The following DUSP22 variants were observed in gnomAD, a reference collection of about 807,000 sequenced individuals.
DUSP22 encodes dual specificity phosphatase 22, also known as dual specificity protein phosphatase 22.
DUSP22 carries 24 observed loss-of-function variants against 24.5 expected under a neutral mutation model. That is an observed-to-expected ratio of 0.98 (90% CI 0.71 to 1.38). The LOEUF is 1.38. Among genes scored for constraint, DUSP22 ranks in the 40% most tolerant of loss-of-function variants. The pLI is 0.00. For synonymous variants in DUSP22, 160 were observed against 106.4 expected (o/e 1.50, Z -3.10); for missense variants, 330 against 269.2 (o/e 1.23, Z -1.58).
intron 3 of DUSP22, among the ~76,000 whole-genome samples, chr6:332,755 G>A (rs866797418): frequency 3.3e-5 from 5 of 151,954 alleles, no homozygotes; most frequent in South Asian, 2.1e-4. Flanking sequence ...TTTCCATCTC[G>A]TCTTAAGCTT....
intron 2 of DUSP22, among the ~76,000 whole-genome samples, chr6:310,727 G>C (rs1239950858): frequency 1.3e-5 from 2 of 152,296 alleles, no homozygotes; most frequent in African/African-American, 4.8e-5. Context: ...AGAGGCCATT[G>C]AATTAAAAAA....
At chr6:342,261 G>T (rs918573507) in intron 4 of DUSP22, among the ~76,000 whole-genome samples, 3 of 152,302 alleles carry the variant, frequency 2.0e-5, no homozygotes, top group Admixed American at 2.0e-4. Flanking sequence ...TGCTTTTTTG[G>T]CTGCTCTGCG....
At position 333,773 on chromosome 6, in the gene DUSP22, G is replaced by A. The variant is rs118006817; in HGVS notation, c.139-1341G>A. ...CGCAAAGAGCATGTGCTCTGCCCCC[G>A]CCCTGCGCCCACGAAGCCCACGTGT... On this transcript the variant is annotated intron_variant, in intron 3 of 6. Transcript: ENST00000419235. Among the ~76,000 whole-genome samples, 126 of 152,330 alleles carry A rather than the reference G, an allele frequency of 8.3e-4. No individual in the cohort carries two copies. In the East Asian group the frequency reaches 0.017, roughly 20 times the overall value.
chr6:326,845 A>G (rs1484235164), intron 3 of DUSP22, among the ~76,000 whole-genome samples: 2 of 152,300 alleles, frequency 1.3e-5, no homozygotes, highest in African/African-American at 4.8e-5. Flanking sequence ...CTGCAATTCT[A>G]AGAAGGTGGT....
chr6:320,832 T>A (rs1758553125), intron 3 of DUSP22, among the ~76,000 whole-genome samples: 1 of 152,304 alleles, frequency 6.6e-6, no homozygotes, highest in African/African-American at 2.4e-5. Context: ...AGGGTGGTGC[T>A]GTCTTCAGTT....
chr6:306,746 A>G (rs1757827934), intron 2 of DUSP22, among the ~76,000 whole-genome samples: 1 of 152,304 alleles, frequency 6.6e-6, no homozygotes, highest in Non-Finnish European at 1.5e-5. Context: ...CTTATCGGGA[A>G]CACACGATGT....
intron 3 of DUSP22, among the ~76,000 whole-genome samples, chr6:315,436 A>G (rs1420902808): frequency 1.3e-5 from 2 of 152,302 alleles, no homozygotes; most frequent in African/African-American, 4.8e-5. Context: ...GGGTAGCTTG[A>G]TGGGAAGCCG....
Position 350,939 on chromosome 6 carries a change from A to G in DUSP22, c.*1988A>G, listed in dbSNP as rs893773171. 63 of 1,586,326 alleles carry G rather than the reference A, an allele frequency of 4.0e-5. No homozygotes were observed. In the Middle Eastern group the frequency reaches 8.3e-4, roughly 21 times the overall value. On this transcript the variant is annotated 3_prime_UTR_variant, in exon 7 of 7. Transcript: ENST00000419235. Reference sequence around the variant, plus strand: ...TGGTGCTGCCAAAAAGAAAAGCAACATAGAGTTTAAGTATCCAGTAGTGAT... The same window carrying G: ...TGGTGCTGCCAAAAAGAAAAGCAACGTAGAGTTTAAGTATCCAGTAGTGAT...
At chr6:309,641 A>G (rs1422957914) in intron 2 of DUSP22, among the ~76,000 whole-genome samples, 1 of 152,094 alleles carries the variant, frequency 6.6e-6, no homozygotes, top group Non-Finnish European at 1.5e-5. Flanking sequence ...GCCTCTTGGC[A>G]GTTCCTAGGG....
chr6:345,390 A>T (rs1224095364), intron 4 of DUSP22, among the ~76,000 whole-genome samples: 1 of 152,266 alleles, frequency 6.6e-6, no homozygotes, highest in Non-Finnish European at 1.5e-5. Context: ...TTGTATTTTT[A>T]GTAGAGACAG....
At chr6:317,904 C>T (rs1758406012) in intron 3 of DUSP22, among the ~76,000 whole-genome samples, 1 of 152,420 alleles carries the variant, frequency 6.6e-6, no homozygotes, top group East Asian at 1.9e-4. Context: ...AATCATGTCT[C>T]ATCACGTCTT....
At chr6:309,963 T>C (rs1757997702) in intron 2 of DUSP22, among the ~76,000 whole-genome samples, 2 of 152,280 alleles carry the variant, frequency 1.3e-5, no homozygotes, top group South Asian at 4.1e-4. Flanking sequence ...TTGTTTGGTT[T>C]TGTTTTGTTT....
intron 3 of DUSP22, among the ~76,000 whole-genome samples, chr6:330,492 C>T (rs546866186): frequency 3.1e-4 from 47 of 152,412 alleles, no homozygotes; most frequent in African/African-American, 9.6e-4. Context: ...TTGAAACAAG[C>T]GAGAGTTTGA....
At chr6:311,794 T>G in intron 2 of DUSP22, 86 bp from the exon 3 acceptor site, 1 of 1,367,814 alleles carries the variant, frequency 7.3e-7, no homozygotes, top group Non-Finnish European at 9.9e-7. Flanking sequence ...AGTCATTTTG[T>G]GGGTTTTTTT....
chr6:328,561 C>T (rs947073217), intron 3 of DUSP22, among the ~76,000 whole-genome samples: 11 of 152,304 alleles, frequency 7.2e-5, no homozygotes, highest in Non-Finnish European at 1.3e-4. Context: ...TAAATCTTGT[C>T]TCTCCACTCT....
At chr6:320,999 T>C (rs914545834) in intron 3 of DUSP22, among the ~76,000 whole-genome samples, 1 of 152,296 alleles carries the variant, frequency 6.6e-6, no homozygotes. Flanking sequence ...TAAAAATGCA[T>C]ACCAGAGGCA....
intron 4 of DUSP22, among the ~76,000 whole-genome samples, chr6:344,871 C>T (rs1759780375): frequency 6.6e-6 from 1 of 152,304 alleles, no homozygotes; most frequent in Admixed American, 6.5e-5. Context: ...TTGGAAAGCC[C>T]ACACGACGTG....
intron 4 of DUSP22, among the ~76,000 whole-genome samples, chr6:339,545 G>T (rs1365233201): frequency 1.3e-5 from 2 of 152,252 alleles, no homozygotes; most frequent in African/African-American, 4.8e-5. Flanking sequence ...AGTAATTACA[G>T]ATTTTTTTTT....
chr6:292,812 C>A (rs931001760), intron 1 of DUSP22, among the ~76,000 whole-genome samples: 1 of 152,374 alleles, frequency 6.6e-6, no homozygotes, highest in Admixed American at 6.5e-5. Context: ...GTTTTCGTGG[C>A]TGAAACAAGC....
Sources: gnomAD v4.1 joint callset for allele counts (sites outside exome capture counted in the v4.1 genomes callset) on GRCh38, gnomAD v4.1.1 for gene constraint, MANE v1.5 for transcripts, NCBI Gene and HGNC (gene_info 2026-07-23, HGNC 2026-07-21) for gene names.